LRRC8D: variants seen among roughly 807,000 people sequenced by gnomAD.
LRRC8D encodes the protein volume-regulated anion channel subunit LRRC8D.
In LRRC8D, 20 loss-of-function variants were observed where a neutral mutation model predicts 55.8. That is an observed-to-expected ratio of 0.36 (90% CI 0.25 to 0.52). The LOEUF is 0.52. LRRC8D is among the 20% of genes least tolerant of loss of function. LRRC8D has a pLI of 0.93. For synonymous variants in LRRC8D, 352 were observed against 377.0 expected (o/e 0.93, Z 0.77); for missense variants, 651 against 1,030.8 (o/e 0.63, Z 5.05).
At chr1:89,836,321 T>C (rs1661004713) in intron 1 of LRRC8D, among the ~76,000 whole-genome samples, 1 of 152,230 alleles carries the variant, frequency 6.6e-6, no homozygotes, top group Non-Finnish European at 1.5e-5. Flanking sequence ...AAATTAGAAA[T>C]TATAATTTAT....
intron 2 of LRRC8D, among the ~76,000 whole-genome samples, chr1:89,926,629 A>G (rs983986781): frequency 2.0e-5 from 3 of 152,244 alleles, no homozygotes; most frequent in African/African-American, 7.2e-5. Context: ...AGATTCTGTT[A>G]GCACTCTCAC....
Position 89,934,732 on chromosome 1 carries a change from GGGT to G in LRRC8D, c.1666_1668del (p.Val556del). On this transcript the variant is annotated inframe_deletion, in exon 3 of 3. Transcript: ENST00000337338. This position sits in a 1 kb window ranked among gnomAD's most constrained non-coding sequence, Gnocchi z 5.9. ...ACTGATGTGGCTGAAATTCCTGCCT[GGGT>G]GTATTTGCTCAAAAACCTTCGAGAG... is the stretch of plus-strand genomic sequence containing the variant. 1 of 1,614,116 alleles carries G rather than the reference GGGT, an allele frequency of 6.2e-7. No homozygotes were observed. Among genetic ancestry groups the G allele is most frequent in the Non-Finnish European group, 8.5e-7 (1 of 1,180,026 alleles).
chr1:89,863,007 A>G (rs1423818452), intron 2 of LRRC8D, among the ~76,000 whole-genome samples: 1 of 152,226 alleles, frequency 6.6e-6, no homozygotes, highest in African/African-American at 2.4e-5. Flanking sequence ...ATAAATTCTC[A>G]TATAAAGAAA....
intron 2 of LRRC8D, among the ~76,000 whole-genome samples, chr1:89,910,946 T>A (rs903172131): frequency 1.1e-4 from 17 of 152,178 alleles, no homozygotes; most frequent in Non-Finnish European, 1.5e-5. Flanking sequence ...TCTTTGTCCC[T>A]GTATACCATG....
At position 89,919,335 on chromosome 1, in the gene LRRC8D, C is replaced by A. The variant is rs150506831; in HGVS notation, c.-2-13732C>A. ...GGAATAAGGACTGACAGGCTCCCAG[C>A]TGTCTGTCACCAGAGCAGATATTTA... is the stretch of plus-strand genomic sequence containing the variant. On this transcript the variant is annotated intron_variant, in intron 2 of 2. Transcript: ENST00000337338. Among the ~76,000 whole-genome samples the A allele has an allele frequency of 4.2e-3, 643 of 152,288 alleles. 4 individuals carry two copies. The highest frequency in any genetic ancestry group is 0.014 in the African/African-American group (564 of 41,558).
intron 1 of LRRC8D, among the ~76,000 whole-genome samples, chr1:89,834,009 C>T (rs958792862): frequency 6.6e-6 from 1 of 152,146 alleles, no homozygotes; most frequent in Admixed American, 6.5e-5. Flanking sequence ...ACTGTGGCTG[C>T]AGGCAGTTGC....
intron 1 of LRRC8D, among the ~76,000 whole-genome samples, chr1:89,835,529 T>C (rs1660984912): frequency 1.3e-5 from 2 of 152,218 alleles, no homozygotes; most frequent in Admixed American, 6.5e-5. Flanking sequence ...TCTCCTTTTT[T>C]GTTGCTGTTT....
chr1:89,840,494 C>G (rs1433358605), intron 1 of LRRC8D, among the ~76,000 whole-genome samples: 1 of 152,174 alleles, frequency 6.6e-6, no homozygotes, highest in Non-Finnish European at 1.5e-5. Flanking sequence ...AGAAATGTGG[C>G]TGCCCTTCCC....
intron 2 of LRRC8D, among the ~76,000 whole-genome samples, chr1:89,874,815 T>A (rs1662109536): frequency 6.6e-6 from 1 of 152,202 alleles, no homozygotes; most frequent in Non-Finnish European, 1.5e-5. Flanking sequence ...CCAAAAATGT[T>A]AAGAAGTTGG....
At chr1:89,919,024 G>A (rs1663347055) in intron 2 of LRRC8D, among the ~76,000 whole-genome samples, 1 of 152,182 alleles carries the variant, frequency 6.6e-6, no homozygotes, top group African/African-American at 2.4e-5. Context: ...ATTAGGTGGA[G>A]GCATTGAAAC....
At chr1:89,869,656 A>T (rs540306191) in intron 2 of LRRC8D, among the ~76,000 whole-genome samples, 243 of 152,284 alleles carry the variant, frequency 1.6e-3, no homozygotes, top group African/African-American at 5.7e-3. Context: ...ACACATAATC[A>T]TCAGATTCAC....
At chr1:89,875,342 C>T (rs1662120224) in intron 2 of LRRC8D, among the ~76,000 whole-genome samples, 1 of 152,158 alleles carries the variant, frequency 6.6e-6, no homozygotes, top group Non-Finnish European at 1.5e-5. Flanking sequence ...AAATGTTCTT[C>T]ATTCACTCAT....
intron 1 of LRRC8D, among the ~76,000 whole-genome samples, chr1:89,831,857 G>A (rs934942407): frequency 6.6e-6 from 1 of 152,172 alleles, no homozygotes; most frequent in African/African-American, 2.4e-5. Flanking sequence ...GGGGAAAGCT[G>A]GCTATGTTAG....
intron 2 of LRRC8D, among the ~76,000 whole-genome samples, chr1:89,931,954 T>C (rs2249122): frequency 0.099 from 15,130 of 152,084 alleles, 2,222 homozygotes; most frequent in African/African-American, 0.32. Flanking sequence ...CAAGAACCTC[T>C]CAAGAAATGA....
chr1:89,866,335 C>T (rs537474387), intron 2 of LRRC8D, among the ~76,000 whole-genome samples: 1 of 152,332 alleles, frequency 6.6e-6, no homozygotes, highest in Admixed American at 6.5e-5. Context: ...ATTATAAATA[C>T]ACACTTGGGC....
intron 1 of LRRC8D, among the ~76,000 whole-genome samples, chr1:89,839,290 A>G (rs1392197948): frequency 6.6e-6 from 1 of 152,114 alleles, no homozygotes; most frequent in Non-Finnish European, 1.5e-5. Context: ...ATTTTGTGCA[A>G]GGTGTGTGGG....
intron 2 of LRRC8D, among the ~76,000 whole-genome samples, chr1:89,888,241 A>G (rs1339050289): frequency 8.5e-5 from 13 of 152,216 alleles, no homozygotes; most frequent in Admixed American, 8.5e-4. Context: ...ACTCTATTCG[A>G]TAAAGTTGTT....
chr1:89,868,479 C>T (rs932458768), intron 2 of LRRC8D, among the ~76,000 whole-genome samples: 2 of 152,170 alleles, frequency 1.3e-5, no homozygotes, highest in Non-Finnish European at 2.9e-5. Flanking sequence ...TATGTGAATT[C>T]CATGACACGA....
intron 2 of LRRC8D, among the ~76,000 whole-genome samples, chr1:89,873,368 G>T (rs1024632651): frequency 6.6e-6 from 1 of 152,168 alleles, no homozygotes; most frequent in Admixed American, 6.5e-5. Flanking sequence ...GGTTCTCCTT[G>T]TATTTTTAAT....
Sources: gnomAD v4.1 joint callset for allele counts (sites outside exome capture counted in the v4.1 genomes callset) on GRCh38, gnomAD v4.1.1 for gene constraint, Gnocchi (gnomAD v3.1) non-coding constraint, MANE v1.5 for transcripts, NCBI Gene and HGNC (gene_info 2026-07-23, HGNC 2026-07-21) for gene names.